The following SOX5 variants were observed in gnomAD, a reference collection of about 807,000 sequenced individuals.
SOX5 encodes the protein SRY-box transcription factor 5.
SOX5 carries 9 observed loss-of-function variants against 92.0 expected under a neutral mutation model. That is an observed-to-expected ratio of 0.10 (90% confidence interval 0.06 to 0.17). The LOEUF (loss-of-function observed/expected upper bound fraction) is 0.17, where lower values mean the gene tolerates loss of function less well. Ranked by LOEUF, SOX5 falls within the 10% of genes least tolerant of loss-of-function variation. The pLI, the probability that SOX5 is intolerant of heterozygous loss-of-function variation, is 1.00. For missense variants in SOX5, 642 were observed against 944.5 expected, an observed-to-expected ratio of 0.68 and a Z score of 4.20; for synonymous variants, 344 against 336.3, an observed-to-expected ratio of 1.02 and a Z score of -0.25.
At chr12:23,601,908 T>G (rs2074546223) in intron 9 of SOX5, among the ~76,000 whole-genome samples, 1 of 152,180 alleles carries the variant, frequency 6.6e-6, no homozygotes, top group South Asian at 2.1e-4. Flanking sequence ...GACAGTATGC[T>G]AGAGGGCACT....
At chr12:23,724,983 A>G (rs1371896739) in intron 6 of SOX5, among the ~76,000 whole-genome samples, 1 of 152,222 alleles carries the variant, frequency 6.6e-6, no homozygotes, top group Non-Finnish European at 1.5e-5. Flanking sequence ...GAATTAGACC[A>G]GAATGGTGTT....
At chr12:23,705,100 G>A (rs1022457359) in intron 6 of SOX5, among the ~76,000 whole-genome samples, 2 of 151,892 alleles carry the variant, frequency 1.3e-5, no homozygotes, top group African/African-American at 4.8e-5. Flanking sequence ...ATAAGATAAA[G>A]TATGGTCATG....
chr12:23,953,699 A>G (rs1369740461), upstream of SOX5, among the ~76,000 whole-genome samples: 1 of 152,122 alleles, frequency 6.6e-6, no homozygotes, highest in Non-Finnish European at 1.5e-5. Context: ...GCAAATGAAC[A>G]AAACATAGTG....
At chr12:24,114,573 C>CAAAAAAAAAAA (rs55913110) in intron 4 of SOX5, among the ~76,000 whole-genome samples, 14 of 40,592 alleles carry the variant, frequency 3.4e-4, no homozygotes, top group Non-Finnish European at 4.2e-4. Context: ...CACCCCGTCA[C>CAAAAAAAAAAA]AAAAAAAAAA....
chr12:24,131,578 G>T (rs1949650972), intron 4 of SOX5, among the ~76,000 whole-genome samples: 2 of 152,128 alleles, frequency 1.3e-5, no homozygotes, highest in South Asian at 2.1e-4. Context: ...CTTTAAATAT[G>T]CAGCATTAAC....
intron 1 of SOX5, among the ~76,000 whole-genome samples, chr12:24,538,072 C>G: frequency 6.6e-6 from 1 of 152,202 alleles, no homozygotes; most frequent in African/African-American, 2.4e-5. Flanking sequence ...GCAATATTCT[C>G]CAAAGCTATG....
intron 3 of SOX5, among the ~76,000 whole-genome samples, chr12:23,808,895 A>G (rs2095827805): frequency 6.6e-6 from 1 of 152,190 alleles, no homozygotes; most frequent in South Asian, 2.1e-4. Context: ...GAATATCTTA[A>G]TATTGATAAG....
chr12:24,340,704 C>A (rs779779204), intron 2 of SOX5, among the ~76,000 whole-genome samples: 1 of 152,096 alleles, frequency 6.6e-6, no homozygotes, highest in Non-Finnish European at 1.5e-5. Flanking sequence ...AGGGAAAGAC[C>A]AATGTTGTTT....
intron 4 of SOX5, among the ~76,000 whole-genome samples, chr12:24,035,755 A>G (rs1224385583): frequency 1.3e-5 from 2 of 152,002 alleles, no homozygotes; most frequent in Non-Finnish European, 2.9e-5. Flanking sequence ...TACAACTAAA[A>G]TTTCTACAAC....
chr12:24,013,174 T>C (rs991182823), intron 4 of SOX5, among the ~76,000 whole-genome samples: 3 of 152,158 alleles, frequency 2.0e-5, no homozygotes, highest in Middle Eastern at 3.2e-3. Context: ...AGGAATTGTA[T>C]GGACTGACTC....
intron 6 of SOX5, among the ~76,000 whole-genome samples, chr12:23,684,880 C>T (rs1326223170): frequency 6.6e-6 from 1 of 152,036 alleles, no homozygotes; most frequent in Non-Finnish European, 1.5e-5. Flanking sequence ...AGCATGGCTG[C>T]TAAATGTTCT....
chr12:23,947,012 T>C (rs981276985), intron 1 of SOX5, among the ~76,000 whole-genome samples: 5 of 151,944 alleles, frequency 3.3e-5, no homozygotes, highest in Non-Finnish European at 1.5e-5. Flanking sequence ...TATAGACATA[T>C]ACAAATCTAA....
At chr12:23,824,640 A>G (rs2096193061) in intron 3 of SOX5, among the ~76,000 whole-genome samples, 2 of 152,180 alleles carry the variant, frequency 1.3e-5, no homozygotes, top group Non-Finnish European at 2.9e-5. Context: ...TGCTCTCTTC[A>G]GAGCCTGTAG....
chr12:23,610,385 A>G (rs2075801997), intron 8 of SOX5, among the ~76,000 whole-genome samples: 1 of 152,162 alleles, frequency 6.6e-6, no homozygotes, highest in African/African-American at 2.4e-5. Context: ...TGCATTAGGC[A>G]CTGACAAAAA....
rs397756349 is a variant in SOX5 at position 23,622,535 on chromosome 12, T to TA, written c.1018-18003dup. ...TTGAAAATAAAAAGGGTGATTTTTT[T>TA]AAAATGAAGAAAAATCCATCAGATG... On this transcript the variant is annotated intron_variant, in intron 8 of 14. Transcript: ENST00000451604. 4.6e-5 allele frequency among the ~76,000 whole-genome samples: 7 copies of TA among 151,984 alleles called. No homozygotes were observed. In the East Asian group the frequency reaches 1.2e-3, roughly 25 times the overall value.
chr12:23,797,565 T>A (rs1002530002), intron 3 of SOX5, among the ~76,000 whole-genome samples: 19 of 151,950 alleles, frequency 1.3e-4, no homozygotes, highest in Non-Finnish European at 2.7e-4. Flanking sequence ...TCCTAATGGA[T>A]CCCAGGAAAA....
At chr12:23,831,453 G>C (rs1047380780) in intron 3 of SOX5, among the ~76,000 whole-genome samples, 1 of 152,172 alleles carries the variant, frequency 6.6e-6, no homozygotes, top group East Asian at 1.9e-4. Context: ...GTAGGACAGA[G>C]AGGGACGGAT....
chr12:23,983,079 T>C (rs1949736334), intron 4 of SOX5, among the ~76,000 whole-genome samples: 1 of 151,306 alleles, frequency 6.6e-6, no homozygotes, highest in Non-Finnish European at 1.5e-5. Context: ...ATTCTCAGGT[T>C]TGGTAGTCAC....
At chr12:23,846,603 T>G (rs576538166) in intron 2 of SOX5, among the ~76,000 whole-genome samples, 1 of 152,216 alleles carries the variant, frequency 6.6e-6, no homozygotes, top group Non-Finnish European at 1.5e-5. Flanking sequence ...TTAAATGTAG[T>G]GATCATTTGT....
Sources: allele counts gnomAD v4.1 joint callset (sites outside exome capture counted in the v4.1 genomes callset), GRCh38; gene constraint gnomAD v4.1.1; transcripts MANE v1.5; gene names NCBI Gene and HGNC (gene_info 2026-07-23, HGNC 2026-07-21).